Variants in MAML2 observed in about 807,000 individuals in gnomAD.
MAML2 encodes the protein mastermind-like protein 2.
MAML2 carries 22 observed loss-of-function variants against 96.1 expected under a neutral mutation model. That is an observed-to-expected ratio of 0.23 (90% CI 0.16 to 0.33). MAML2 has a LOEUF of 0.33. Ranked by LOEUF, MAML2 falls within the 10% of genes least tolerant of loss-of-function variation. The pLI, the probability that MAML2 is intolerant of heterozygous loss-of-function variation, is 1.00. For missense variants in MAML2, 1,367 were observed against 1,392.4 expected, an observed-to-expected ratio of 0.98 and a Z score of 0.29; for synonymous variants, 561 against 521.3, an observed-to-expected ratio of 1.08 and a Z score of -1.04.
At chr11:96,224,675 G>A (rs1862186710) in intron 1 of MAML2, among the ~76,000 whole-genome samples, 1 of 152,056 alleles carries the variant, frequency 6.6e-6, no homozygotes, top group South Asian at 2.1e-4. Context: ...AGCTTCTCTG[G>A]GACAGATTAT....
intron 2 of MAML2, among the ~76,000 whole-genome samples, chr11:96,038,912 G>T (rs1298021590): frequency 1.3e-5 from 2 of 152,042 alleles, no homozygotes; most frequent in East Asian, 3.9e-4. Context: ...TTTAGTAGGT[G>T]CTTAATAATA....
At chr11:96,329,500 T>G (rs769596832) in intron 1 of MAML2, among the ~76,000 whole-genome samples, 2 of 152,122 alleles carry the variant, frequency 1.3e-5, no homozygotes, top group Non-Finnish European at 2.9e-5. Flanking sequence ...AGAAACAAAA[T>G]CAAATATCAG....
intron 1 of MAML2, among the ~76,000 whole-genome samples, chr11:96,096,421 C>T (rs1174758094): frequency 6.6e-6 from 1 of 152,224 alleles, no homozygotes; most frequent in Non-Finnish European, 1.5e-5. Context: ...AGAATCTTCA[C>T]AACTCTATAT....
chr11:96,180,113 A>G (rs1861459336), intron 1 of MAML2, among the ~76,000 whole-genome samples: 1 of 152,200 alleles, frequency 6.6e-6, no homozygotes, highest in Non-Finnish European at 1.5e-5. Flanking sequence ...TTGCCTAAGA[A>G]GGTCATAGCT....
chr11:96,044,164 G>A (rs1858860091), intron 2 of MAML2, among the ~76,000 whole-genome samples: 1 of 152,176 alleles, frequency 6.6e-6, no homozygotes, highest in Non-Finnish European at 1.5e-5. Context: ...CAAGAACAGG[G>A]CCCGAAAATT....
chr11:96,068,942 GAGAC>G (rs1206032758), intron 2 of MAML2, among the ~76,000 whole-genome samples: 1 of 103,850 alleles, frequency 9.6e-6, no homozygotes, highest in Non-Finnish European at 1.8e-5. Flanking sequence ...TTTTTTTAAA[GAGAC>G]AGTCTTCCTC....
rs185905816 is a variant in MAML2, at chr11:96,190,459, A to G, written c.514-96942T>C. The stretch of plus-strand genomic sequence containing the variant: ...TAATGAGTTATACATCCATATCTAC[A>G]GCCAATCCATGAAAGAATGACAAAC... On this transcript the variant is annotated intron_variant, in intron 1 of 4. Transcript: ENST00000524717. 2.6e-3 allele frequency among the ~76,000 whole-genome samples: 400 copies of G among 152,338 alleles called. 5 individuals are homozygous for G. Among genetic ancestry groups the G allele is most frequent in the Non-Finnish European group, 1.1e-3 (73 of 68,042 alleles).
intron 2 of MAML2, among the ~76,000 whole-genome samples, chr11:96,079,629 C>T (rs1014065449): frequency 1.3e-5 from 2 of 152,200 alleles, no homozygotes; most frequent in East Asian, 1.9e-4. Flanking sequence ...ACAAATGAGG[C>T]TTACCTCCTT....
intron 3 of MAML2, 132 bp downstream of exon 3, chr11:95,991,388 T>A: frequency 2.4e-6 from 2 of 829,206 alleles, no homozygotes; most frequent in Non-Finnish European, 4.0e-6. Flanking sequence ...ATGTATGGAA[T>A]TATCCTCTCT....
At position 96,284,373 on chromosome 11, in the gene MAML2, C is replaced by T. The variant is rs558171604; in HGVS notation, c.513+57010G>A. ...TCCTAATATCTCTAACAACATAGTC[C>T]GTATCAAACTTATCACCATCTTCAG... On this transcript the variant is annotated intron_variant, in intron 1 of 4. Transcript: ENST00000524717. 2.6e-4 allele frequency among the ~76,000 whole-genome samples: 39 copies of T among 152,316 alleles called. No homozygotes were observed. In the South Asian group the frequency reaches 7.1e-3, roughly 28 times the overall value.
intron 1 of MAML2, among the ~76,000 whole-genome samples, chr11:96,194,041 T>C (rs1861695816): frequency 6.6e-6 from 1 of 152,190 alleles, no homozygotes; most frequent in Non-Finnish European, 1.5e-5. Flanking sequence ...TGGAACTCAA[T>C]GAGACAAAGC....
chr11:96,163,775 A>T (rs1861149139), intron 1 of MAML2, among the ~76,000 whole-genome samples: 1 of 152,200 alleles, frequency 6.6e-6, no homozygotes, highest in Admixed American at 6.5e-5. Flanking sequence ...TAATATCTCA[A>T]AATAGATTTT....
chr11:96,047,760 T>C (rs1304100830), intron 2 of MAML2, among the ~76,000 whole-genome samples: 2 of 151,292 alleles, frequency 1.3e-5, no homozygotes, highest in Non-Finnish European at 2.9e-5. Flanking sequence ...AATACAAAAA[T>C]TAGCTGGGCA....
intron 1 of MAML2, among the ~76,000 whole-genome samples, chr11:96,288,474 G>A (rs960126645): frequency 1.3e-5 from 2 of 151,508 alleles, no homozygotes; most frequent in Admixed American, 6.6e-5. Flanking sequence ...CCTGGGAGAT[G>A]GAGGTTGCAG....
At chr11:96,293,801 T>TAAAGACTG (rs1591118101) in intron 1 of MAML2, among the ~76,000 whole-genome samples, 1 of 152,260 alleles carries the variant, frequency 6.6e-6, no homozygotes, top group East Asian at 1.9e-4. Context: ...ACGTTTCACA[T>TAAAGACTG]AAAGACTGAA....
At chr11:96,140,389 G>T (rs1860711392) in intron 1 of MAML2, among the ~76,000 whole-genome samples, 1 of 152,192 alleles carries the variant, frequency 6.6e-6, no homozygotes, top group South Asian at 2.1e-4. Context: ...TAAAACCACT[G>T]TTATTGCCTC....
intron 1 of MAML2, among the ~76,000 whole-genome samples, chr11:96,234,961 T>A (rs1347588101): frequency 6.6e-6 from 1 of 152,180 alleles, no homozygotes; most frequent in Non-Finnish European, 1.5e-5. Flanking sequence ...CACATTTAAG[T>A]GGAACAATGG....
intron 1 of MAML2, among the ~76,000 whole-genome samples, chr11:96,165,363 A>G (rs533093485): frequency 1.3e-5 from 2 of 152,250 alleles, no homozygotes; most frequent in East Asian, 3.9e-4. Context: ...TTTTCAGGAG[A>G]TATCATTGAT....
chr11:96,285,134 C>A, intron 1 of MAML2, among the ~76,000 whole-genome samples: 1 of 152,032 alleles, frequency 6.6e-6, no homozygotes, highest in East Asian at 1.9e-4. Context: ...CCATGAAAAC[C>A]AACATTTTGA....
Sources: gnomAD v4.1 joint callset for allele counts (sites outside exome capture counted in the v4.1 genomes callset) on GRCh38, gnomAD v4.1.1 for gene constraint, MANE v1.5 for transcripts, NCBI Gene and HGNC (gene_info 2026-07-23, HGNC 2026-07-21) for gene names.